EPS15: variants seen among roughly 807,000 people sequenced by gnomAD.
The protein encoded by EPS15 is epidermal growth factor receptor substrate 15.
In EPS15, 72 loss-of-function variants were observed where a neutral mutation model predicts 113.8. The ratio of observed to expected loss-of-function variants is 0.63; its 90% confidence interval spans 0.52 to 0.77. The LOEUF is 0.77. Among genes scored for constraint, EPS15 ranks in the 30% least tolerant of loss-of-function variants. The pLI, the probability that EPS15 is intolerant of heterozygous loss-of-function variation, is 0.00. For synonymous variants in EPS15, 344 were observed against 363.4 expected, an observed-to-expected ratio of 0.95 and a Z score of 0.61; for missense variants, 1,048 against 1,045.8, an observed-to-expected ratio of 1.00 and a Z score of -0.03.
intron 1 of EPS15, among the ~76,000 whole-genome samples, chr1:51,509,150 C>T (rs1307938915): frequency 6.6e-6 from 1 of 152,070 alleles, no homozygotes; most frequent in African/African-American, 2.4e-5. Context: ...ATGTCCAAGG[C>T]TTACTAGAGT....
chr1:51,473,043 C>T (rs1655356404), intron 2 of EPS15, 95 bp from the exon 3 acceptor site: 1 of 910,810 alleles, frequency 1.1e-6, no homozygotes, highest in Non-Finnish European at 1.8e-6. Context: ...TGGGACCTGG[C>T]TTTTGCAAGA....
At chr1:51,403,387 G>A (rs1648772626) in intron 17 of EPS15, 32 bp downstream of exon 17, 1 of 1,196,690 alleles carries the variant, frequency 8.4e-7, no homozygotes. Context: ...ACCCTTACAA[G>A]TCCCCAATGT....
intron 13 of EPS15, among the ~76,000 whole-genome samples, chr1:51,410,930 G>A (rs1045826585): frequency 2.6e-5 from 4 of 152,104 alleles, no homozygotes; most frequent in African/African-American, 7.2e-5. Flanking sequence ...ACAGATCTAC[G>A]AGTTAGGTAC....
chr1:51,501,676 G>A (rs1428564464), intron 1 of EPS15, among the ~76,000 whole-genome samples: 2 of 151,810 alleles, frequency 1.3e-5, no homozygotes, highest in Non-Finnish European at 2.9e-5. Flanking sequence ...ATGGGGTTTC[G>A]CCTCGTTGGC....
At position 51,357,424 on chromosome 1, in the gene EPS15, ATAT is replaced by A. The variant is rs1483247471; in HGVS notation, c.2545-581_2545-579del. On this transcript the variant is annotated intron_variant, in intron 24 of 24. Coordinates refer to ENST00000371733, the MANE Select transcript of EPS15 (RefSeq NM_001981.3). Reference sequence around the variant, plus strand: ...TATATATATATATATATATATATATATATTTTTTTTTTTTAAATGTGATATATA... The same window carrying A: ...TATATATATATATATATATATATATATTTTTTTTTTTAAATGTGATATATA... Among the ~76,000 whole-genome samples, 653 of 68,076 alleles carry A rather than the reference ATAT, an allele frequency of 9.6e-3. 4 individuals carry two copies. Among genetic ancestry groups the A allele is most frequent in the African/African-American group, 0.018 (228 of 12,828 alleles). 44.7% of individuals were successfully genotyped at this position (68,076 alleles called of 152,430 possible). A position where few individuals can be genotyped will look rare whatever the true frequency, so the allele number is the denominator to read the frequency against.
At chr1:51,358,681 C>T (rs1646298648) in intron 24 of EPS15, among the ~76,000 whole-genome samples, 1 of 150,462 alleles carries the variant, frequency 6.6e-6, no homozygotes, top group South Asian at 2.1e-4. Flanking sequence ...TTGTTCAAGA[C>T]TCCTTCCAAC....
At chr1:51,513,954 T>G (rs541912767) in intron 1 of EPS15, among the ~76,000 whole-genome samples, 1 of 152,236 alleles carries the variant, frequency 6.6e-6, no homozygotes, top group South Asian at 2.1e-4. Flanking sequence ...AAAAATGCCA[T>G]AGAGAAAAGC....
intron 8 of EPS15, chr1:51,459,104 G>A (rs2148496989): frequency 6.6e-6 from 1 of 152,326 alleles, no homozygotes; most frequent in Admixed American, 6.5e-5. Context: ...GTGGTAATAT[G>A]TATTCTGCCT....
At chr1:51,504,891 CG>C (rs1644471950) in intron 1 of EPS15, among the ~76,000 whole-genome samples, 1 of 152,096 alleles carries the variant, frequency 6.6e-6, no homozygotes. Context: ...GCGGCCGAAG[CG>C]GGTGGATCAC....
chr1:51,378,940 C>T (rs1646868387), intron 21 of EPS15, among the ~76,000 whole-genome samples: 1 of 152,186 alleles, frequency 6.6e-6, no homozygotes, highest in Non-Finnish European at 1.5e-5. Flanking sequence ...ATGGCCAAAA[C>T]TCCCCAACTT....
chr1:51,408,260 C>T lies in EPS15; in HGVS notation c.1348G>A (p.Ala450Thr). 1 of 1,613,982 alleles carries T rather than the reference C, an allele frequency of 6.2e-7. No individual in the cohort carries two copies. The highest frequency in any genetic ancestry group is 8.5e-7 in the Non-Finnish European group (1 of 1,179,864). ...ISTYEEELAK[A>T]REELSRLQQE... Reference sequence around the variant, plus strand: ...TGTAGACGGCTCAGCTCTTCTCTAGCTTTTGCCAATTCTTCTTCGTAAGTG... The same window carrying T: ...TGTAGACGGCTCAGCTCTTCTCTAGTTTTTGCCAATTCTTCTTCGTAAGTG... Residue 450 changes from alanine (A) to threonine (T), a missense_variant, in exon 15 of 25, where the codon GCT becomes ACT. Coordinates refer to ENST00000371733, the MANE Select transcript of EPS15 (RefSeq NM_001981.3).
chr1:51,416,082 C>CCT (rs906165310), intron 13 of EPS15, among the ~76,000 whole-genome samples: 37 of 151,764 alleles, frequency 2.4e-4, no homozygotes, highest in African/African-American at 8.5e-4. Context: ...AACAGATGTA[C>CCT]CTCTCTCTCT....
chr1:51,460,119 GGAGT>G (rs1259607662), intron 8 of EPS15, among the ~76,000 whole-genome samples: 8 of 152,100 alleles, frequency 5.3e-5, no homozygotes, highest in African/African-American at 1.9e-4. Context: ...CCCAAGACTT[GGAGT>G]GAGTAAAGAG....
At chr1:51,457,156 G>A (rs902793632) in intron 8 of EPS15, among the ~76,000 whole-genome samples, 12 of 151,972 alleles carry the variant, frequency 7.9e-5, no homozygotes, top group African/African-American at 1.2e-4. Flanking sequence ...GCGTGGTGGC[G>A]GGCGCCTGTA....
At chr1:51,392,835 A>G (rs1647520076) in intron 21 of EPS15, among the ~76,000 whole-genome samples, 1 of 152,280 alleles carries the variant, frequency 6.6e-6, no homozygotes, top group African/African-American at 2.4e-5. Flanking sequence ...GGCACTTACC[A>G]TTTCCTTGGT....
intron 1 of EPS15, among the ~76,000 whole-genome samples, chr1:51,504,189 T>C (rs1192270550): frequency 1.3e-5 from 2 of 152,100 alleles, no homozygotes; most frequent in Admixed American, 6.5e-5. Context: ...AAAGCGAGCA[T>C]GTTGCCCAGG....
intron 16 of EPS15, among the ~76,000 whole-genome samples, chr1:51,404,558 A>G (rs976732305): frequency 2.0e-5 from 3 of 152,110 alleles, no homozygotes; most frequent in Non-Finnish European, 4.4e-5. Flanking sequence ...TCAAACTTCT[A>G]TTCTTCTCAT....
intron 21 of EPS15, among the ~76,000 whole-genome samples, chr1:51,367,485 G>C (rs1417788421): frequency 6.6e-6 from 1 of 152,106 alleles, no homozygotes. Context: ...CCCAGGAGGC[G>C]GAGGTTGCAG....
At chr1:51,357,427 T>TATATATATATATA (rs57828043) in intron 24 of EPS15, among the ~76,000 whole-genome samples, 4 of 44,616 alleles carry the variant, frequency 9.0e-5, no homozygotes, top group African/African-American at 3.8e-4. Context: ...TATATATATA[T>TATATATATATATA]TTTTTTTTTT....
Sources: allele counts gnomAD v4.1 joint callset (sites outside exome capture counted in the v4.1 genomes callset), GRCh38; gene constraint gnomAD v4.1.1; transcripts MANE v1.5; gene names NCBI Gene and HGNC (gene_info 2026-07-23, HGNC 2026-07-21).